The following DLGAP2 variants were observed in gnomAD, a reference collection of about 807,000 sequenced individuals.
The protein encoded by DLGAP2 is disks large-associated protein 2.
In DLGAP2, 26 loss-of-function variants were observed where a neutral mutation model predicts 100.3. The observed-to-expected ratio is 0.26, with a 90% CI of 0.19 to 0.36. The LOEUF (loss-of-function observed/expected upper bound fraction) is 0.36, where lower values mean the gene tolerates loss of function less well. DLGAP2 is among the 10% of genes least tolerant of loss of function. The probability of loss-of-function intolerance (pLI) is 1.00; values close to 1 mark genes in which losing one functional copy is unlikely to be tolerated. For missense variants in DLGAP2, 1,858 were observed against 1,453.2 expected (o/e 1.28, Z -4.53); for synonymous variants, 886 against 630.1 (o/e 1.41, Z -6.08).
intron 2 of DLGAP2, among the ~76,000 whole-genome samples, chr8:1,185,211 C>A (rs1239368994): frequency 1.3e-5 from 2 of 152,148 alleles, no homozygotes; most frequent in Non-Finnish European, 2.9e-5. Flanking sequence ...CAGGGCTCCA[C>A]AGAAAGGTGG....
intron 3 of DLGAP2, chr8:1,259,757 C>T (rs1036986685): frequency 1.8e-4 from 27 of 152,284 alleles, no homozygotes; most frequent in African/African-American, 6.3e-4. Context: ...GAAGCTCAAC[C>T]GTGTCCATTG....
chr8:1,476,868 G>A (rs1263117200), intron 3 of DLGAP2, among the ~76,000 whole-genome samples: 1 of 132,244 alleles, frequency 7.6e-6, no homozygotes, highest in African/African-American at 2.9e-5. Context: ...TGATGGCCGA[G>A]TGCTGTCGGC....
chr8:1,447,977 TTTC>T (rs1798028965), intron 3 of DLGAP2, among the ~76,000 whole-genome samples: 1 of 152,184 alleles, frequency 6.6e-6, no homozygotes, highest in Admixed American at 6.5e-5. Context: ...TCTTCTCTCT[TTTC>T]TTCTTTATTA....
At chr8:1,416,826 T>C (rs1796898923) in intron 3 of DLGAP2, among the ~76,000 whole-genome samples, 1 of 152,192 alleles carries the variant, frequency 6.6e-6, no homozygotes, top group Non-Finnish European at 1.5e-5. Context: ...TTTCTGTCTC[T>C]CCTCAGACAT....
chr8:1,492,709 C>T (rs1438536799), intron 3 of DLGAP2, among the ~76,000 whole-genome samples: 2 of 152,244 alleles, frequency 1.3e-5, no homozygotes, highest in African/African-American at 4.8e-5. Flanking sequence ...CCCCGCCTCC[C>T]TGACTTCCAA....
intron 3 of DLGAP2, among the ~76,000 whole-genome samples, chr8:1,345,411 G>C (rs114230107): frequency 1.3e-5 from 2 of 152,170 alleles, no homozygotes; most frequent in African/African-American, 2.4e-5. Flanking sequence ...CATTTTGCCC[G>C]AGTTGCCAAA....
At chr8:1,457,909 C>T (rs1245384579) in intron 3 of DLGAP2, among the ~76,000 whole-genome samples, 2 of 146,616 alleles carry the variant, frequency 1.4e-5, no homozygotes, top group Non-Finnish European at 3.0e-5. Flanking sequence ...TCATGAAATT[C>T]CTTTAAACTA....
chr8:1,666,330 C>T (rs984581503), intron 8 of DLGAP2, among the ~76,000 whole-genome samples: 1 of 152,232 alleles, frequency 6.6e-6, no homozygotes, highest in African/African-American at 2.4e-5. Context: ...CATCCTTCCT[C>T]AGTTTTCTAG....
chr8:930,177 T>C (rs1442789443), intron 2 of DLGAP2, among the ~76,000 whole-genome samples: 1 of 152,176 alleles, frequency 6.6e-6, no homozygotes, highest in Non-Finnish European at 1.5e-5. Context: ...TGACTCACTG[T>C]AGAACCCAGG....
rs532847572 is a variant in DLGAP2 at position 804,100 on chromosome 8, T to G, written c.18+66275T>G. ...CTCTCTGTTGTAGGTGATTAAGCAC[T>G]AGGATATCCCATGCATGGCCCTGTA... On this transcript the variant is annotated intron_variant, in intron 1 of 14. Coordinates refer to ENST00000637795, the MANE Select transcript of DLGAP2 (RefSeq NM_001346810.2). Among the ~76,000 whole-genome samples the G allele has an allele frequency of 1.3e-4, 20 of 152,290 alleles. No individual in the cohort carries two copies. In the South Asian group the frequency reaches 3.9e-3, roughly 30 times the overall value.
intron 3 of DLGAP2, chr8:1,262,656 T>C (rs1799375099): frequency 6.6e-6 from 1 of 152,226 alleles, no homozygotes; most frequent in Admixed American, 6.5e-5. Flanking sequence ...GTGATTCCTG[T>C]TACCTTTTAG....
intron 3 of DLGAP2, among the ~76,000 whole-genome samples, chr8:1,492,560 C>A (rs1799419568): frequency 6.6e-6 from 1 of 152,208 alleles, no homozygotes. Context: ...CGCTTCGCTC[C>A]GCAAACATTG....
chr8:1,415,338 G>A (rs991940247), intron 3 of DLGAP2, among the ~76,000 whole-genome samples: 3 of 152,182 alleles, frequency 2.0e-5, no homozygotes, highest in African/African-American at 7.2e-5. Flanking sequence ...TTTAGATCCG[G>A]GGGTACGTTG....
intron 2 of DLGAP2, among the ~76,000 whole-genome samples, chr8:1,153,929 C>G (rs1189032318): frequency 6.6e-6 from 1 of 152,100 alleles, no homozygotes; most frequent in African/African-American, 2.4e-5. Flanking sequence ...TTTTCTGTCT[C>G]CTCCCCTTTC....
intron 2 of DLGAP2, among the ~76,000 whole-genome samples, chr8:1,193,863 G>C (rs1281207174): frequency 1.3e-5 from 2 of 152,102 alleles, no homozygotes; most frequent in African/African-American, 4.8e-5. Flanking sequence ...TCGGCCTCTA[G>C]AGCCTCCGCA....
intron 3 of DLGAP2, among the ~76,000 whole-genome samples, chr8:1,426,467 C>A (rs1172068864): frequency 6.6e-6 from 1 of 152,094 alleles, no homozygotes; most frequent in Non-Finnish European, 1.5e-5. Context: ...TAGCAGAATT[C>A]CAGAAGAAAA....
intron 4 of DLGAP2, among the ~76,000 whole-genome samples, chr8:1,505,016 A>AG (rs1197284883): frequency 6.6e-6 from 1 of 152,234 alleles, no homozygotes; most frequent in Non-Finnish European, 1.5e-5. Context: ...AAAGGAAGGA[A>AG]GAAGGAAGGA....
intron 2 of DLGAP2, among the ~76,000 whole-genome samples, chr8:1,070,023 A>T (rs1803378773): frequency 6.6e-6 from 1 of 152,222 alleles, no homozygotes; most frequent in Non-Finnish European, 1.5e-5. Context: ...TTGTTCTTGG[A>T]CTTAAAAGTA....
chr8:1,502,374 G>A (rs796651541), intron 4 of DLGAP2, among the ~76,000 whole-genome samples: 19 of 152,266 alleles, frequency 1.2e-4, no homozygotes, highest in African/African-American at 3.6e-4. Flanking sequence ...GAATAATATC[G>A]AAAATTGAAG....
Sources: allele counts gnomAD v4.1 joint callset (sites outside exome capture counted in the v4.1 genomes callset), GRCh38; gene constraint gnomAD v4.1.1; transcripts MANE v1.5; gene names NCBI Gene and HGNC (gene_info 2026-07-23, HGNC 2026-07-21).